FRMD3: variants seen among roughly 807,000 people sequenced by gnomAD.
FRMD3 encodes FERM domain containing 3.
A neutral mutation model predicts 70.2 loss-of-function variants in FRMD3; 33 were observed. The ratio of observed to expected loss-of-function variants is 0.47; its 90% CI spans 0.36 to 0.63. The LOEUF (loss-of-function observed/expected upper bound fraction) is 0.63. Ranked by LOEUF, FRMD3 falls within the 20% of genes least tolerant of loss-of-function variation. FRMD3 has a pLI of 0.00. For synonymous variants in FRMD3, 279 were observed against 255.9 expected, an observed-to-expected ratio of 1.09 and a Z score of -0.86; for missense variants, 632 against 711.4, an observed-to-expected ratio of 0.89 and a Z score of 1.27.
At chr9:83,562,533 C>T in the FRMD3 span, among the ~76,000 whole-genome samples, 16 of 152,174 alleles carry the variant, frequency 1.1e-4, no homozygotes, top group African/African-American at 3.6e-4. Context: ...GTGACTTCAA[C>T]CAGAAATAAA....
rs558694388 is a variant in FRMD3 at position 83,275,097 on chromosome 9, G to A, written c.1195+15506C>T. ...GTTGTAAACATATTAAGCTTGATGC[G>A]TTAAATATGAGCTGTTATGTGCCCT... On this transcript the variant is annotated intron_variant, in intron 13 of 13. Transcript: ENST00000304195. Among the ~76,000 whole-genome samples, 21 of 152,302 alleles carry A rather than the reference G, an allele frequency of 1.4e-4. No homozygotes were observed. In the South Asian group the frequency reaches 2.1e-3, roughly 15 times the overall value.
At chr9:83,562,891 G>GC in the FRMD3 span, among the ~76,000 whole-genome samples, 3,887 of 144,062 alleles carry the variant, frequency 0.027, 59 homozygotes, top group East Asian at 0.038. Context: ...TATGGCCAAT[G>GC]CCCCCCCCCC....
chr9:83,293,642 A>G (rs1387766481), intron 12 of FRMD3, among the ~76,000 whole-genome samples: 2 of 152,196 alleles, frequency 1.3e-5, no homozygotes, highest in Non-Finnish European at 2.9e-5. Context: ...GGCTGGGCTC[A>G]CCAGGCTGAT....
At chr9:83,514,547 T>C (rs991501669) in intron 1 of FRMD3, among the ~76,000 whole-genome samples, 1 of 152,146 alleles carries the variant, frequency 6.6e-6, no homozygotes, top group Non-Finnish European at 1.5e-5. Flanking sequence ...TTCAGCAGAC[T>C]TAAACGTTCC....
chr9:83,542,269 G>C (rs1403536000), upstream of FRMD3, among the ~76,000 whole-genome samples: 1 of 152,178 alleles, frequency 6.6e-6, no homozygotes, highest in Non-Finnish European at 1.5e-5. Flanking sequence ...GCCACAAATA[G>C]ATAACAGGTG....
intron 1 of FRMD3, among the ~76,000 whole-genome samples, chr9:83,412,213 G>A (rs901896785): frequency 6.6e-6 from 1 of 152,168 alleles, no homozygotes; most frequent in African/African-American, 2.4e-5. Flanking sequence ...ACGTGTTGTT[G>A]TGTGAACAGT....
chr9:83,349,450 T>C (rs1039675268), intron 4 of FRMD3, among the ~76,000 whole-genome samples: 3 of 152,212 alleles, frequency 2.0e-5, no homozygotes, highest in East Asian at 1.9e-4. Flanking sequence ...TCCCCCATCA[T>C]AGCCAGTGCT....
chr9:83,460,230 C>T (rs1172220611), intron 1 of FRMD3, among the ~76,000 whole-genome samples: 1 of 152,152 alleles, frequency 6.6e-6, no homozygotes. Context: ...AAATCACCTG[C>T]ACATAAGGCT....
intron 13 of FRMD3, among the ~76,000 whole-genome samples, chr9:83,284,527 GA>G (rs1834111647): frequency 6.6e-6 from 1 of 152,188 alleles, no homozygotes; most frequent in Admixed American, 6.5e-5. Context: ...AGAATGGCTT[GA>G]ACCCAGGAGG....
intron 12 of FRMD3, among the ~76,000 whole-genome samples, chr9:83,292,955 T>C (rs372837328): frequency 6.6e-6 from 1 of 152,200 alleles, no homozygotes; most frequent in South Asian, 2.1e-4. Flanking sequence ...ACATGACTCC[T>C]TTATGTGCTG....
At chr9:83,377,369 C>A (rs1480083984) in intron 2 of FRMD3, among the ~76,000 whole-genome samples, 1 of 152,118 alleles carries the variant, frequency 6.6e-6, no homozygotes, top group Non-Finnish European at 1.5e-5. Flanking sequence ...AAAACCATGA[C>A]TTCAGTATTT....
chr9:83,435,721 T>C (rs1247547520), intron 1 of FRMD3, among the ~76,000 whole-genome samples: 2 of 152,214 alleles, frequency 1.3e-5, no homozygotes, highest in African/African-American at 4.8e-5. Context: ...CAAATCCATT[T>C]TGGTGATTTG....
intron 1 of FRMD3, among the ~76,000 whole-genome samples, chr9:83,477,055 T>C (rs1379203760): frequency 6.6e-6 from 1 of 152,102 alleles, no homozygotes; most frequent in African/African-American, 2.4e-5. Context: ...ATAAGTAAAA[T>C]CAACTCAATG....
chr9:83,453,634 T>C (rs532953781), intron 1 of FRMD3, among the ~76,000 whole-genome samples: 28 of 152,244 alleles, frequency 1.8e-4, no homozygotes, highest in African/African-American at 6.5e-4. Flanking sequence ...TTTTTTAACA[T>C]TGGTTATGTA....
At chr9:83,301,220 A>G (rs1237774059) in intron 10 of FRMD3, among the ~76,000 whole-genome samples, 6 of 152,164 alleles carry the variant, frequency 3.9e-5, no homozygotes, top group Non-Finnish European at 8.8e-5. Flanking sequence ...AACCCCCAGC[A>G]AGCTGCATTG....
chr9:83,247,799 A>T lies in FRMD3; in HGVS notation c.*119T>A. On this transcript the variant is annotated 3_prime_UTR_variant, in exon 14 of 14. Coordinates refer to ENST00000304195, the MANE Select transcript of FRMD3 (RefSeq NM_174938.6). ...GAAAGCTAACTTAAAGGTTTGAATA[A>T]TCAATTATGAGTAAGGAACACCTGT... 1 of 1,500,532 alleles carries T rather than the reference A, an allele frequency of 6.7e-7. No individual in the cohort carries two copies. Among genetic ancestry groups the T allele is most frequent in the East Asian group, 2.3e-5 (1 of 43,868 alleles). 93.0% of individuals were successfully genotyped at this position (1,500,532 alleles called of 1,614,324 possible). A position where few individuals can be genotyped will look rare whatever the true frequency, so the allele number is the denominator to read the frequency against.
intron 4 of FRMD3, among the ~76,000 whole-genome samples, chr9:83,348,052 G>A (rs1824019385): frequency 6.6e-6 from 1 of 152,170 alleles, no homozygotes; most frequent in East Asian, 1.9e-4. Context: ...TTTCAAATAG[G>A]ACTTTTTTCA....
chr9:83,297,804 C>T, intron 12 of FRMD3: 1 of 471,818 alleles, frequency 2.1e-6, no homozygotes, highest in South Asian at 1.5e-5. Flanking sequence ...AACAAATTTT[C>T]TTCTGTACAC....
At chr9:83,542,670 C>T (rs940794176), upstream of FRMD3, among the ~76,000 whole-genome samples, 2 of 152,184 alleles carry the variant, frequency 1.3e-5, no homozygotes, top group Non-Finnish European at 2.9e-5. Flanking sequence ...AAAACAAACT[C>T]AGATGACTGA....
Sources: allele counts gnomAD v4.1 joint callset (sites outside exome capture counted in the v4.1 genomes callset), GRCh38; gene constraint gnomAD v4.1.1; transcripts MANE v1.5; gene names NCBI Gene and HGNC (gene_info 2026-07-23, HGNC 2026-07-21).